UBE2E2: variants seen among roughly 807,000 people sequenced by gnomAD.
UBE2E2 encodes the protein ubiquitin-conjugating enzyme E2 E2.
Under a neutral mutation model 24.7 loss-of-function variants are expected in UBE2E2, and 6 were observed. That is an observed-to-expected ratio of 0.24 (90% CI 0.13 to 0.48). The LOEUF is 0.48. Among genes scored for constraint, UBE2E2 ranks in the 20% least tolerant of loss-of-function variants. The probability of loss-of-function intolerance (pLI) is 0.99; values close to 1 mark genes in which losing one functional copy is unlikely to be tolerated. For missense variants in UBE2E2, 169 were observed against 245.0 expected, an observed-to-expected ratio of 0.69 and a Z score of 2.07; for synonymous variants, 104 against 83.6, an observed-to-expected ratio of 1.24 and a Z score of -1.33.
chr3:23,366,196 C>T (rs1696251834), intron 3 of UBE2E2, among the ~76,000 whole-genome samples: 1 of 152,120 alleles, frequency 6.6e-6, no homozygotes, highest in African/African-American at 2.4e-5. Flanking sequence ...GAAAAGGGAA[C>T]ACTTATACAC....
intron 5 of UBE2E2, among the ~76,000 whole-genome samples, chr3:23,571,280 C>CATTTTTTTTTTTTTTTTTTTT (rs1696216914): frequency 3.3e-5 from 1 of 29,866 alleles, no homozygotes; most frequent in Non-Finnish European, 6.6e-5. Context: ...GTGCTCCTTT[C>CATTTTTTTTTTTTTTTTTTTT]TTTTTTTTTT....
intron 3 of UBE2E2, among the ~76,000 whole-genome samples, chr3:23,255,128 C>T (rs1354176533): frequency 2.1e-5 from 3 of 145,400 alleles, no homozygotes; most frequent in Admixed American, 7.0e-5. Context: ...ACTATGTTGC[C>T]CAGGCTGGAG....
intron 2 of UBE2E2, among the ~76,000 whole-genome samples, chr3:23,210,479 GCTT>G (rs1410015423): frequency 8.5e-5 from 13 of 152,144 alleles, no homozygotes; most frequent in Non-Finnish European, 1.5e-5. Context: ...ACCAAATTCT[GCTT>G]ATGAAAGATG....
intron 3 of UBE2E2, among the ~76,000 whole-genome samples, chr3:23,372,387 T>G (rs962507725): frequency 2.6e-5 from 4 of 152,212 alleles, no homozygotes; most frequent in Admixed American, 2.0e-4. Flanking sequence ...TTATTTCACT[T>G]ATAACTGTCA....
chr3:23,529,698 T>C (rs1695077699), intron 4 of UBE2E2, among the ~76,000 whole-genome samples: 2 of 152,188 alleles, frequency 1.3e-5, no homozygotes, highest in Admixed American at 1.3e-4. Flanking sequence ...ATTGGTTAAA[T>C]TGGGATCGTA....
chr3:23,384,311 G>A (rs967800559), intron 3 of UBE2E2, among the ~76,000 whole-genome samples: 1 of 148,002 alleles, frequency 6.8e-6, no homozygotes, highest in Non-Finnish European at 1.5e-5. Flanking sequence ...TACAAGGCAT[G>A]TTCTGCCACA....
chr3:23,479,363 T>C (rs1346217557), intron 3 of UBE2E2, among the ~76,000 whole-genome samples: 1 of 152,202 alleles, frequency 6.6e-6, no homozygotes, highest in African/African-American at 2.4e-5. Context: ...TACAGGCACC[T>C]GCATCTGAAC....
intron 3 of UBE2E2, among the ~76,000 whole-genome samples, chr3:23,400,610 A>ACACACACACACACACACACACACACT (rs1559372807): frequency 2.0e-5 from 2 of 100,136 alleles, no homozygotes; most frequent in African/African-American, 3.7e-5. Flanking sequence ...TAAATGAAAC[A>ACACACACACACACACACACACACACT]CACACACACA....
intron 5 of UBE2E2, among the ~76,000 whole-genome samples, chr3:23,568,887 A>T (rs73045660): frequency 6.6e-6 from 1 of 151,574 alleles, no homozygotes; most frequent in Non-Finnish European, 1.5e-5. Context: ...GCTAGTGGGA[A>T]TGTAAAATGG....
chr3:23,589,067 A>G lies in UBE2E2; in HGVS notation c.509-667A>G, dbSNP rs1002566795. Among the ~76,000 whole-genome samples, 1 of 152,018 alleles carries G rather than the reference A, an allele frequency of 6.6e-6. No individual in the cohort carries two copies. The highest frequency in any genetic ancestry group is 1.5e-5 in the Non-Finnish European group (1 of 68,016). On this transcript the variant is annotated intron_variant, in intron 5 of 5. Coordinates refer to ENST00000396703, the MANE Select transcript of UBE2E2 (RefSeq NM_152653.4). This position sits in a 1 kb window ranked among gnomAD's most constrained non-coding sequence, Gnocchi z 4.1. Reference sequence around the variant, plus strand: ...CCAGACCGCCAAACGTCTTCCCAGGAGAGCTCATCAAGAGCCCATGAGTCC... The same window carrying G: ...CCAGACCGCCAAACGTCTTCCCAGGGGAGCTCATCAAGAGCCCATGAGTCC...
chr3:23,477,930 T>G (rs1699174927), intron 3 of UBE2E2, among the ~76,000 whole-genome samples: 1 of 152,244 alleles, frequency 6.6e-6, no homozygotes, highest in Non-Finnish European at 1.5e-5. Context: ...CTCCTCACCC[T>G]TCTCTCTCCT....
At chr3:23,321,758 G>C (rs1373689511) in intron 3 of UBE2E2, among the ~76,000 whole-genome samples, 1 of 151,368 alleles carries the variant, frequency 6.6e-6, no homozygotes, top group African/African-American at 2.4e-5. Flanking sequence ...AATCTCCAGA[G>C]ACTGAATCAT....
At chr3:23,488,430 C>A (rs1699426724) in intron 3 of UBE2E2, among the ~76,000 whole-genome samples, 1 of 152,128 alleles carries the variant, frequency 6.6e-6, no homozygotes. Context: ...TCTCATCGTT[C>A]AACTCCCACT....
intron 1 of UBE2E2, among the ~76,000 whole-genome samples, chr3:23,208,168 C>G (rs1313977263): frequency 6.6e-6 from 1 of 152,004 alleles, no homozygotes; most frequent in Non-Finnish European, 1.5e-5. Context: ...CTGAGCTTCC[C>G]AAAACATTGG....
chr3:23,577,535 A>G lies in UBE2E2; in HGVS notation c.509-12199A>G, dbSNP rs144535821. Among the ~76,000 whole-genome samples, 421 of 152,302 alleles carry G rather than the reference A, an allele frequency of 2.8e-3. 1 individual carries two copies. Among genetic ancestry groups the G allele is most frequent in the African/African-American group, 9.9e-3 (410 of 41,554 alleles). On this transcript the variant is annotated intron_variant, in intron 5 of 5. Transcript: ENST00000396703. Reference sequence around the variant, plus strand: ...GCAGAGGTAGGCTCACAAGGTTTTAAAAAAGAAGCCATCTTCCTAACATAA... The same window carrying G: ...GCAGAGGTAGGCTCACAAGGTTTTAGAAAAGAAGCCATCTTCCTAACATAA...
At position 23,396,650 on chromosome 3, in the gene UBE2E2, CAAG is replaced by C. The variant is rs548461496; in HGVS notation, c.228-102957_228-102955del. 4.6e-3 allele frequency among the ~76,000 whole-genome samples: 694 copies of C among 152,112 alleles called. 7 individuals are homozygous for C. Among genetic ancestry groups the C allele is most frequent in the African/African-American group, 0.015 (639 of 41,508 alleles). On this transcript the variant is annotated intron_variant, in intron 3 of 5. Transcript: ENST00000396703. ...CACTTTCAATCTGTATGGCCTCAGG[CAAG>C]TTACTTAACCTTTCTGTCTCTCTGT...
chr3:23,470,771 GTTC>G (rs1376025546), intron 3 of UBE2E2, among the ~76,000 whole-genome samples: 3 of 151,994 alleles, frequency 2.0e-5, no homozygotes, highest in Non-Finnish European at 4.4e-5. Flanking sequence ...TATATATTCT[GTTC>G]TTAAGCCTTT....
At chr3:23,519,595 G>A (rs1270666232) in intron 4 of UBE2E2, among the ~76,000 whole-genome samples, 2 of 152,088 alleles carry the variant, frequency 1.3e-5, no homozygotes, top group East Asian at 3.8e-4. Flanking sequence ...TGAAACAGTT[G>A]TTTACTTTTT....
intron 3 of UBE2E2, among the ~76,000 whole-genome samples, chr3:23,331,854 C>G (rs1695067380): frequency 6.6e-6 from 1 of 152,172 alleles, no homozygotes; most frequent in African/African-American, 2.4e-5. Flanking sequence ...GCTTACATTT[C>G]TAAAGGAACA....
Sources: gnomAD v4.1 joint callset for allele counts (sites outside exome capture counted in the v4.1 genomes callset) on GRCh38, gnomAD v4.1.1 for gene constraint, Gnocchi (gnomAD v3.1) non-coding constraint, MANE v1.5 for transcripts, NCBI Gene and HGNC (gene_info 2026-07-23, HGNC 2026-07-21) for gene names.